Variants in SCFD2 observed in about 807,000 individuals in gnomAD.
The protein encoded by SCFD2 is sec1 family domain-containing protein 2.
Under a neutral mutation model 58.9 loss-of-function variants are expected in SCFD2, and 54 were observed. The observed-to-expected ratio is 0.92, with a 90% CI of 0.74 to 1.15. SCFD2 has a LOEUF of 1.15. SCFD2 is among the 50% of genes most tolerant of loss of function. The pLI, the probability that SCFD2 is intolerant of heterozygous loss-of-function variation, is 0.00. For missense variants in SCFD2, 805 were observed against 836.6 expected (o/e 0.96, Z 0.47); for synonymous variants, 321 against 335.9 (o/e 0.96, Z 0.49).
chr4:53,196,010 T>C (rs533025332), intron 4 of SCFD2, among the ~76,000 whole-genome samples: 2 of 152,252 alleles, frequency 1.3e-5, no homozygotes, highest in African/African-American at 4.8e-5. Context: ...TCTATTACAA[T>C]CCTAAAGACA....
Position 53,150,614 on chromosome 4 carries a change from A to G in SCFD2, c.1312-5032T>C, listed in dbSNP as rs185000205. Among the ~76,000 whole-genome samples the G allele has an allele frequency of 1.6e-4, 25 of 152,370 alleles. No homozygotes were observed. In the East Asian group the frequency reaches 4.4e-3, roughly 27 times the overall value. On this transcript the variant is annotated intron_variant, in intron 4 of 8. Transcript: ENST00000401642. ...GGATTAATAATAAGGATGTGGGAAT[A>G]AGATAATATGCTTGGGTTTCAATCC...
At chr4:53,119,686 T>G (rs551600841) in intron 5 of SCFD2, among the ~76,000 whole-genome samples, 4 of 152,264 alleles carry the variant, frequency 2.6e-5, no homozygotes, top group Admixed American at 2.0e-4. Context: ...CCCTGAAGTA[T>G]GCTTTCATTT....
intron 7 of SCFD2, among the ~76,000 whole-genome samples, chr4:52,886,902 G>A (rs1718753166): frequency 6.6e-6 from 1 of 152,126 alleles, no homozygotes; most frequent in Non-Finnish European, 1.5e-5. Flanking sequence ...TAATCTTCAG[G>A]TCTCAGCATA....
At chr4:53,333,198 C>T (rs1733551440) in intron 2 of SCFD2, among the ~76,000 whole-genome samples, 1 of 141,520 alleles carries the variant, frequency 7.1e-6, no homozygotes, top group Non-Finnish European at 1.5e-5. Flanking sequence ...GATTCAATGC[C>T]ATCCCCATCA....
intron 5 of SCFD2, among the ~76,000 whole-genome samples, chr4:53,139,062 G>A (rs1726030736): frequency 6.6e-6 from 1 of 152,126 alleles, no homozygotes; most frequent in African/African-American, 2.4e-5. Context: ...GGGAAGACGG[G>A]GTTTCGCCAT....
Position 52,885,839 on chromosome 4 carries a change from G to T in SCFD2, c.1870C>A (p.Pro624Thr), listed in dbSNP as rs1416382197. 1.9e-6 allele frequency: 3 copies of T among 1,614,104 alleles called. No homozygotes were observed. Among genetic ancestry groups the T allele is most frequent in the East Asian group, 4.5e-5 (2 of 44,880 alleles). Reference protein sequence around the residue: ...KVSRPHPSDYPLLILFVVGGV... With the variant: ...KVSRPHPSDYTLLILFVVGGV... ...CCTACCACAAAGAGGATCAGGAGGG[G>T]GTAGTCACTAGGATGAGGCCGGCTC... The change falls in exon 8 of 9, where the codon CCC becomes ACC. Residue 624 changes from proline to threonine, a missense_variant. Pro to Thr is a conservative substitution (Grantham distance 38, BLOSUM62 -1). Transcript: ENST00000401642.
intron 5 of SCFD2, among the ~76,000 whole-genome samples, chr4:53,095,871 A>C (rs2148870085): frequency 5.3e-5 from 8 of 150,782 alleles, no homozygotes; most frequent in East Asian, 4.0e-4. Context: ...CCCTCCCCCC[A>C]TCCCGACCCC....
intron 5 of SCFD2, among the ~76,000 whole-genome samples, chr4:53,118,627 G>A (rs550855519): frequency 6.6e-6 from 1 of 152,236 alleles, no homozygotes; most frequent in African/African-American, 2.4e-5. Context: ...TACTAAGGGT[G>A]GGCTGAGCAG....
intron 1 of SCFD2, among the ~76,000 whole-genome samples, chr4:53,354,376 GC>G (rs1335793088): frequency 6.6e-6 from 1 of 152,222 alleles, no homozygotes; most frequent in African/African-American, 2.4e-5. Context: ...CAAGTGTGGG[GC>G]GCGCCGAGCC....
intron 4 of SCFD2, among the ~76,000 whole-genome samples, chr4:53,190,794 A>G (rs747268631): frequency 1.3e-5 from 2 of 152,186 alleles, no homozygotes; most frequent in Non-Finnish European, 2.9e-5. Flanking sequence ...AAGTGCTCTG[A>G]TTCAAATTAA....
chr4:52,984,580 C>T (rs34418353), intron 5 of SCFD2, among the ~76,000 whole-genome samples: 3 of 152,270 alleles, frequency 2.0e-5, no homozygotes, highest in Middle Eastern at 3.4e-3. Context: ...TATATGTGAC[C>T]TAAGAGTGAC....
chr4:53,167,875 A>G (rs1560366450), intron 4 of SCFD2, among the ~76,000 whole-genome samples: 1 of 152,202 alleles, frequency 6.6e-6, no homozygotes, highest in South Asian at 2.1e-4. Flanking sequence ...TATTTTCTGA[A>G]AAACACAGAT....
At chr4:53,046,094 C>G (rs1723030573) in intron 5 of SCFD2, among the ~76,000 whole-genome samples, 1 of 152,162 alleles carries the variant, frequency 6.6e-6, no homozygotes, top group Admixed American at 6.6e-5. Flanking sequence ...ATATTTTCAG[C>G]TTAGTTTTCA....
chr4:53,071,017 A>AGTGTCATATTCAACTTC (rs1723798433), intron 5 of SCFD2, among the ~76,000 whole-genome samples: 1 of 152,120 alleles, frequency 6.6e-6, no homozygotes, highest in South Asian at 2.1e-4. Context: ...TATAAGCATA[A>AGTGTCATATTCAACTTC]GTGTCATATT....
intron 5 of SCFD2, among the ~76,000 whole-genome samples, chr4:52,942,412 T>A (rs1720316470): frequency 1.3e-5 from 2 of 152,132 alleles, no homozygotes; most frequent in African/African-American, 4.8e-5. Context: ...CAGATGTGAC[T>A]ATCTTAGCTG....
intron 5 of SCFD2, among the ~76,000 whole-genome samples, chr4:52,927,830 C>A (rs527814478): frequency 6.6e-6 from 1 of 152,108 alleles, no homozygotes; most frequent in East Asian, 1.9e-4. Context: ...TGAGTGATTC[C>A]GGTGACTGGG....
At position 53,271,262 on chromosome 4, in the gene SCFD2, C is replaced by T. The variant is rs557931114; in HGVS notation, c.1311+2564G>A. Among the ~76,000 whole-genome samples the T allele has an allele frequency of 2.0e-5, 3 of 151,768 alleles. No homozygotes were observed. In the South Asian group the frequency reaches 6.2e-4, roughly 32 times the overall value. ...CAGGAGACATATTCCAGGGTATTCA[C>T]TGCATAATTTTTCCTAATCTCACAT... On this transcript the variant is annotated intron_variant, in intron 4 of 8. Coordinates refer to ENST00000401642, the MANE Select transcript of SCFD2 (RefSeq NM_152540.4).
At chr4:53,104,315 T>C (rs1406673436) in intron 5 of SCFD2, among the ~76,000 whole-genome samples, 1 of 152,152 alleles carries the variant, frequency 6.6e-6, no homozygotes, top group East Asian at 1.9e-4. Context: ...TCCCCAAAAT[T>C]TATATCACCA....
chr4:53,157,420 A>T (rs573110693), intron 4 of SCFD2, among the ~76,000 whole-genome samples: 1 of 152,342 alleles, frequency 6.6e-6, no homozygotes, highest in South Asian at 2.1e-4. Context: ...ATCCACAAGC[A>T]TCTAAAAAAG....
Sources: gnomAD v4.1 joint callset for allele counts (sites outside exome capture counted in the v4.1 genomes callset) on GRCh38, gnomAD v4.1.1 for gene constraint, MANE v1.5 for transcripts, NCBI Gene and HGNC (gene_info 2026-07-23, HGNC 2026-07-21) for gene names.